Variants in DGKB observed in about 807,000 individuals in gnomAD.
The protein encoded by DGKB is diacylglycerol kinase beta.
In DGKB, 67 loss-of-function variants were observed where a neutral mutation model predicts 114.3. The observed-to-expected ratio is 0.59, with a 90% CI of 0.48 to 0.72. The LOEUF (loss-of-function observed/expected upper bound fraction) is 0.72. Ranked by LOEUF, DGKB falls within the 30% of genes least tolerant of loss-of-function variation. DGKB has a pLI of 0.00. For synonymous variants in DGKB, 398 were observed against 323.1 expected (o/e 1.23, Z -2.49); for missense variants, 907 against 975.2 (o/e 0.93, Z 0.93).
intron 20 of DGKB, among the ~76,000 whole-genome samples, chr7:14,487,586 T>C (rs1784008837): frequency 6.7e-6 from 1 of 148,504 alleles, no homozygotes; most frequent in Admixed American, 6.7e-5. Context: ...AAAATTCCTT[T>C]TTTTTTTTTT....
chr7:14,297,215 A>T (rs1308764728), intron 23 of DGKB, among the ~76,000 whole-genome samples: 1 of 152,150 alleles, frequency 6.6e-6, no homozygotes, highest in Non-Finnish European at 1.5e-5. Context: ...TGAGGCCATC[A>T]TCATCCTGAT....
chr7:14,784,258 T>C (rs1839538859), intron 2 of DGKB, among the ~76,000 whole-genome samples: 1 of 152,174 alleles, frequency 6.6e-6, no homozygotes, highest in South Asian at 2.1e-4. Flanking sequence ...TCTTTGGTTA[T>C]ACTAGAGAGA....
intron 2 of DGKB, among the ~76,000 whole-genome samples, chr7:14,772,807 G>A (rs1048153792): frequency 3.9e-5 from 6 of 152,100 alleles, no homozygotes; most frequent in African/African-American, 1.4e-4. Flanking sequence ...ATCATCCATT[G>A]TTTTCTTGTA....
chr7:14,488,337 T>G (rs1225729244), intron 20 of DGKB, among the ~76,000 whole-genome samples: 1 of 152,186 alleles, frequency 6.6e-6, no homozygotes, highest in Non-Finnish European at 1.5e-5. Context: ...TTTCACATAA[T>G]TAACTGTAAG....
At chr7:14,923,424 C>A (rs1784604289) in intron 1 of DGKB, among the ~76,000 whole-genome samples, 1 of 152,030 alleles carries the variant, frequency 6.6e-6, no homozygotes, top group Non-Finnish European at 1.5e-5. Flanking sequence ...AGATTATATG[C>A]TTTTGTGATT....
At chr7:14,838,802 T>C (rs926052233) in intron 2 of DGKB, among the ~76,000 whole-genome samples, 2 of 152,158 alleles carry the variant, frequency 1.3e-5, no homozygotes, top group Non-Finnish European at 2.9e-5. Context: ...GTACAATGAC[T>C]TCATTGTTTG....
intron 2 of DGKB, among the ~76,000 whole-genome samples, chr7:14,769,088 AGAAAG>A (rs1836905235): frequency 7.9e-6 from 1 of 126,818 alleles, no homozygotes; most frequent in South Asian, 2.5e-4. Context: ...AAAGAAAGAA[AGAAAG>A]AAAGAAAGAA....
chr7:14,752,577 C>T (rs990569147), intron 4 of DGKB, among the ~76,000 whole-genome samples: 1 of 152,162 alleles, frequency 6.6e-6, no homozygotes, highest in Non-Finnish European at 1.5e-5. Context: ...TTCTTCTCCC[C>T]TTGAACACCC....
intron 21 of DGKB, among the ~76,000 whole-genome samples, chr7:14,352,468 G>A (rs757876205): frequency 1.5e-4 from 23 of 151,100 alleles, no homozygotes; most frequent in Non-Finnish European, 3.4e-4. Context: ...AATGGAAAAA[G>A]TATATAAGCA....
Position 14,701,551 on chromosome 7 carries a change from A to T in DGKB, c.516+130T>A, listed in dbSNP as rs1256257159. On this transcript the variant is annotated intron_variant, in intron 7 of 25. Transcript: ENST00000402815. ...TCTCTCGCAAAAAGTCAAAAAGATA[A>T]AAATGCCATATGAGTGGATGTAAAT... 3 of 650,484 alleles carry T rather than the reference A, an allele frequency of 4.6e-6. No homozygotes were observed. In the Admixed American group the frequency reaches 8.5e-5, roughly 18 times the overall value. The allele number at this position is 650,484 out of a possible 1,614,324, so 40.3% of individuals were successfully genotyped here. A position where few individuals can be genotyped will look rare whatever the true frequency, so the allele number is the denominator to read the frequency against.
chr7:14,814,410 T>C (rs1394067079), intron 2 of DGKB, among the ~76,000 whole-genome samples: 1 of 152,228 alleles, frequency 6.6e-6, no homozygotes, highest in Admixed American at 6.5e-5. Flanking sequence ...AAGCCTACAT[T>C]ACCTCTCCCT....
chr7:14,168,419 T>G (rs969012), intron 25 of DGKB, among the ~76,000 whole-genome samples: 136,715 of 152,210 alleles, frequency 0.9, 61,608 homozygotes, highest in East Asian at 1. Context: ...GCTGGAGATG[T>G]GCCGATGTGG....
intron 21 of DGKB, among the ~76,000 whole-genome samples, chr7:14,383,108 C>A (rs1435614318): frequency 1.3e-5 from 2 of 152,174 alleles, no homozygotes. Context: ...AAACAAGGTA[C>A]AACTGGAATA....
chr7:14,819,526 G>GT (rs1844620657), intron 2 of DGKB, among the ~76,000 whole-genome samples: 1 of 152,074 alleles, frequency 6.6e-6, no homozygotes, highest in African/African-American at 2.4e-5. Context: ...GGAGGCGGAG[G>GT]TTGCAGTGAG....
At chr7:14,542,574 TG>T in intron 20 of DGKB, among the ~76,000 whole-genome samples, 1 of 152,312 alleles carries the variant, frequency 6.6e-6, no homozygotes, top group East Asian at 1.9e-4. Context: ...CTGCTTTGCC[TG>T]GTCACCTGAA....
intron 4 of DGKB, among the ~76,000 whole-genome samples, chr7:14,736,426 A>G (rs556276072): frequency 3.3e-5 from 5 of 152,150 alleles, no homozygotes; most frequent in African/African-American, 1.2e-4. Context: ...AGAAGTTTCT[A>G]GTTAGATATT....
intron 1 of DGKB, among the ~76,000 whole-genome samples, chr7:14,892,466 G>C (rs919146325): frequency 6.6e-6 from 1 of 151,124 alleles, no homozygotes; most frequent in Non-Finnish European, 1.5e-5. Flanking sequence ...TGGTGGTAAT[G>C]TAATCAAGGC....
chr7:14,578,729 A>G (rs1039139049), intron 19 of DGKB, among the ~76,000 whole-genome samples: 1 of 152,210 alleles, frequency 6.6e-6, no homozygotes, highest in South Asian at 2.1e-4. Flanking sequence ...ATAGTTCTGC[A>G]TGTTTTCACA....
At chr7:14,576,402 T>C (rs1037361726) in intron 19 of DGKB, among the ~76,000 whole-genome samples, 1 of 151,796 alleles carries the variant, frequency 6.6e-6, no homozygotes, top group Non-Finnish European at 1.5e-5. Flanking sequence ...AAATAAATTA[T>C]ATACATATAT....
Sources: gnomAD v4.1 joint callset for allele counts (sites outside exome capture counted in the v4.1 genomes callset) on GRCh38, gnomAD v4.1.1 for gene constraint, MANE v1.5 for transcripts, NCBI Gene and HGNC (gene_info 2026-07-23, HGNC 2026-07-21) for gene names.